The following RELN variants were observed in gnomAD, a reference collection of about 807,000 sequenced individuals.
RELN encodes the protein reelin.
In RELN, 108 loss-of-function variants were observed where a neutral mutation model predicts 427.6. That is an observed-to-expected ratio of 0.25 (90% confidence interval 0.22 to 0.30). The LOEUF is 0.30. Among genes scored for constraint, RELN ranks in the 10% least tolerant of loss-of-function variants. The pLI, the probability that RELN is intolerant of heterozygous loss-of-function variation, is 1.00. For synonymous variants in RELN, 1,524 were observed against 1,513.4 expected (o/e 1.01, Z -0.16); for missense variants, 3,715 against 4,302.8 (o/e 0.86, Z 3.82).
At chr7:103,479,765 A>G (rs1828165516) in intron 63 of RELN, among the ~76,000 whole-genome samples, 1 of 152,168 alleles carries the variant, frequency 6.6e-6, no homozygotes, top group Non-Finnish European at 1.5e-5. Flanking sequence ...AAACCCTGAA[A>G]TATTGTTGAA....
At chr7:103,607,969 A>T (rs1005718734) in intron 22 of RELN, among the ~76,000 whole-genome samples, 15 of 152,228 alleles carry the variant, frequency 9.9e-5, no homozygotes, top group African/African-American at 3.4e-4. Context: ...GCAGGTACAT[A>T]CATTCAGTAT....
At chr7:103,542,701 T>C (rs1484295724) in intron 43 of RELN, 30 bp downstream of exon 43, 4 of 1,611,372 alleles carry the variant, frequency 2.5e-6, no homozygotes, top group Non-Finnish European at 3.4e-6. Flanking sequence ...TACGATGTGG[T>C]TTTTTTCAAC....
chr7:103,909,675 AATATATTTAATAAATAT>A (rs1795298904), intron 2 of RELN, among the ~76,000 whole-genome samples: 1 of 78,824 alleles, frequency 1.3e-5, no homozygotes, highest in Admixed American at 1.8e-4. Flanking sequence ...ATATATATTA[AATATATTTAATAAATAT>A]ATATATTTAA....
intron 7 of RELN, 36 bp downstream of exon 7, chr7:103,728,075 A>C (rs202021715): frequency 1.3e-4 from 213 of 1,599,448 alleles, no homozygotes; most frequent in Non-Finnish European, 1.6e-4. Flanking sequence ...AGTAAATACT[A>C]TAATGGAATA....
chr7:103,862,776 C>A (rs1794102389), intron 2 of RELN, among the ~76,000 whole-genome samples: 1 of 152,064 alleles, frequency 6.6e-6, no homozygotes, highest in East Asian at 1.9e-4. Context: ...CCATTGGCAG[C>A]CAGGACACTG....
At chr7:103,945,523 T>C (rs1332700283) in intron 1 of RELN, among the ~76,000 whole-genome samples, 2 of 152,160 alleles carry the variant, frequency 1.3e-5, no homozygotes, top group African/African-American at 4.8e-5. Context: ...AAGAATGCTC[T>C]TCCTTCTAGC....
At chr7:103,853,791 G>T (rs1225444142) in intron 2 of RELN, among the ~76,000 whole-genome samples, 1 of 151,910 alleles carries the variant, frequency 6.6e-6, no homozygotes, top group Non-Finnish European at 1.5e-5. Flanking sequence ...AAAGTTAATA[G>T]ACAAATATGT....
intron 22 of RELN, 122 bp from the exon 23 acceptor site, chr7:103,604,605 A>G (rs1430228615): frequency 2.1e-6 from 2 of 938,230 alleles, no homozygotes; most frequent in East Asian, 5.1e-5. Flanking sequence ...CTTAGCTGGC[A>G]TCATTTTTCT....
chr7:103,771,716 C>A (rs1414200749), intron 4 of RELN, among the ~76,000 whole-genome samples: 1 of 152,150 alleles, frequency 6.6e-6, no homozygotes, highest in Non-Finnish European at 1.5e-5. Context: ...CTCACCTGCA[C>A]CCCCATACCT....
chr7:103,539,725 C>T (rs1269651224), intron 44 of RELN, among the ~76,000 whole-genome samples: 5 of 152,170 alleles, frequency 3.3e-5, no homozygotes, highest in Non-Finnish European at 2.9e-5. Flanking sequence ...GGTTTGTTAA[C>T]AGGTTCTTTG....
At chr7:103,725,652 G>A (rs1002265498) in intron 7 of RELN, among the ~76,000 whole-genome samples, 2 of 152,058 alleles carry the variant, frequency 1.3e-5, no homozygotes, top group Non-Finnish European at 2.9e-5. Context: ...AATTCTGAGA[G>A]CATATTTTCC....
chr7:103,806,043 GA>G (rs887354491), intron 3 of RELN, among the ~76,000 whole-genome samples: 2 of 152,076 alleles, frequency 1.3e-5, no homozygotes, highest in Admixed American at 6.6e-5. Context: ...ACCTATCTTG[GA>G]AAAAATGCTC....
chr7:103,849,763 A>G (rs1793774972), intron 2 of RELN, among the ~76,000 whole-genome samples: 1 of 152,226 alleles, frequency 6.6e-6, no homozygotes, highest in Non-Finnish European at 1.5e-5. Context: ...TTTACATCTT[A>G]AAAATTTGTA....
At chr7:103,769,912 T>C (rs1297978159) in intron 4 of RELN, among the ~76,000 whole-genome samples, 4 of 152,166 alleles carry the variant, frequency 2.6e-5, no homozygotes, top group Non-Finnish European at 2.9e-5. Context: ...TGTTTCTTTA[T>C]CAATTACAGC....
chr7:103,729,435 A>G (rs769146286), intron 6 of RELN, among the ~76,000 whole-genome samples: 3 of 152,194 alleles, frequency 2.0e-5, no homozygotes, highest in Non-Finnish European at 2.9e-5. Flanking sequence ...TATGTTTACC[A>G]CATTGATTAA....
At position 103,520,957 on chromosome 7, in the gene RELN, A is replaced by ATTTTTT. The variant is rs55830035; in HGVS notation, c.7668+1059_7668+1064dup. Reference sequence around the variant, plus strand: ...ATAAAGAGCTGGCAGTAAATTTGTTATTTTTTTTTTTTTTTTTTTTTTTTT... The same window carrying ATTTTTT: ...ATAAAGAGCTGGCAGTAAATTTGTTATTTTTTTTTTTTTTTTTTTTTTTTTTTTTTT... On this transcript the variant is annotated intron_variant, in intron 48 of 64. Coordinates refer to ENST00000428762, the MANE Select transcript of RELN (RefSeq NM_005045.4). 8.3e-3 allele frequency among the ~76,000 whole-genome samples: 658 copies of ATTTTTT among 79,178 alleles called. 66 individuals carry two copies. Among genetic ancestry groups the ATTTTTT allele is most frequent in the East Asian group, 0.021 (55 of 2,588 alleles). The allele number at this position is 79,178 out of a possible 152,430, so 51.9% of individuals were successfully genotyped here.
chr7:103,556,429 G>GTA (rs3056317), intron 38 of RELN, among the ~76,000 whole-genome samples: 4,022 of 149,138 alleles, frequency 0.027, 84 homozygotes, highest in Admixed American at 0.044. Flanking sequence ...ATATATACGT[G>GTA]TATATATATA....
intron 3 of RELN, among the ~76,000 whole-genome samples, chr7:103,827,794 A>G (rs1793179293): frequency 6.6e-6 from 1 of 152,018 alleles, no homozygotes; most frequent in African/African-American, 2.4e-5. Flanking sequence ...GCTTAAAAAC[A>G]GAAAACTAGA....
At chr7:103,746,419 G>A (rs1324663739) in intron 6 of RELN, among the ~76,000 whole-genome samples, 2 of 152,062 alleles carry the variant, frequency 1.3e-5, no homozygotes, top group South Asian at 2.1e-4. Context: ...TGACAAATGG[G>A]ATCTAATTAA....
Sources: allele counts gnomAD v4.1 joint callset (sites outside exome capture counted in the v4.1 genomes callset), GRCh38; gene constraint gnomAD v4.1.1; transcripts MANE v1.5; gene names NCBI Gene and HGNC (gene_info 2026-07-23, HGNC 2026-07-21).